Variants in CUBN observed in about 807,000 individuals in gnomAD.
The protein encoded by CUBN is cubilin.
A neutral mutation model predicts 405.3 loss-of-function variants in CUBN; 282 were observed. That is an observed-to-expected ratio of 0.70 (90% CI 0.63 to 0.77). The LOEUF (loss-of-function observed/expected upper bound fraction) is 0.77, where lower values mean the gene tolerates loss of function less well. Ranked by LOEUF, CUBN falls within the 30% of genes least tolerant of loss-of-function variation. The probability of loss-of-function intolerance (pLI) is 0.00; values close to 1 mark genes in which losing one functional copy is unlikely to be tolerated. For missense variants in CUBN, 4,514 were observed against 4,475.2 expected (o/e 1.01, Z -0.25); for synonymous variants, 1,684 against 1,617.0 (o/e 1.04, Z -0.99).
chr10:16,977,207 C>T (rs1833125268), intron 31 of CUBN, among the ~76,000 whole-genome samples: 1 of 152,154 alleles, frequency 6.6e-6, no homozygotes. Context: ...GCAAAGGCCC[C>T]ACTCTCAAGC....
In CUBN at chr10:16,918,807, T is replaced by C; in HGVS notation, c.6822-7A>G. 1.2e-6 allele frequency: 2 copies of C among 1,613,138 alleles called. No individual in the cohort carries two copies. The highest frequency in any genetic ancestry group is 1.7e-6 in the Non-Finnish European group (2 of 1,179,394). On this transcript the variant is annotated splice_polypyrimidine_tract_variant and splice_region_variant and intron_variant, in intron 44 of 66. Transcript: ENST00000377833. The stretch of plus-strand genomic sequence containing the variant: ...AAGGTAGTTGGAAGTACAGCTGAAG[T>C]GGGAACAAAATTCTGTTAAATTTAC...
chr10:16,828,751 C>A, intron 66 of CUBN, 54 bp downstream of exon 66: 5 of 1,324,804 alleles, frequency 3.8e-6, no homozygotes, highest in Non-Finnish European at 5.4e-6. Flanking sequence ...CACTAAGTGA[C>A]TCATTATTGT....
intron 15 of CUBN, among the ~76,000 whole-genome samples, chr10:17,087,480 T>TTTTTTTC: frequency 8.0e-6 from 1 of 124,346 alleles, no homozygotes; most frequent in African/African-American, 2.8e-5. Flanking sequence ...TTCTTTTTTT[T>TTTTTTTC]TTTTTTTTTT....
At chr10:17,052,912 C>A (rs1278144836) in intron 22 of CUBN, among the ~76,000 whole-genome samples, 1 of 149,488 alleles carries the variant, frequency 6.7e-6, no homozygotes, top group African/African-American at 2.5e-5. Flanking sequence ...TGGAATTACA[C>A]TAGTATGACA....
chr10:17,006,274 T>C (rs879769863), intron 28 of CUBN, among the ~76,000 whole-genome samples: 2 of 152,222 alleles, frequency 1.3e-5, no homozygotes, highest in African/African-American at 2.4e-5. Context: ...TTATGTGTAA[T>C]TGACATGTAA....
At chr10:16,921,852 C>T (rs1293142763) in intron 43 of CUBN, among the ~76,000 whole-genome samples, 2 of 152,136 alleles carry the variant, frequency 1.3e-5, no homozygotes, top group Admixed American at 1.3e-4. Flanking sequence ...CTGTTCTGAC[C>T]TCGAGATTCC....
chr10:16,874,595 T>C, intron 57 of CUBN, 92 bp from the exon 58 acceptor site: 2 of 1,499,016 alleles, frequency 1.3e-6, no homozygotes, highest in East Asian at 2.3e-5. Context: ...TTGTACATTT[T>C]TCCCTAAAAG....
chr10:16,849,612 C>T (rs1022381189), intron 60 of CUBN, among the ~76,000 whole-genome samples: 11 of 152,166 alleles, frequency 7.2e-5, no homozygotes, highest in Admixed American at 7.2e-4. Context: ...GGTATTCCCT[C>T]CACAAATTTT....
Position 16,939,224 on chromosome 10 carries a change from AG to A in CUBN, c.5549-78del, listed in dbSNP as rs1008022070. 1.0e-4 allele frequency: 118 copies of A among 1,166,054 alleles called. 1 individual carries two copies. The highest frequency in any genetic ancestry group is 3.6e-5 in the Non-Finnish European group (28 of 776,978). 72.2% of individuals were successfully genotyped at this position (1,166,054 alleles called of 1,614,324 possible). On this transcript the variant is annotated intron_variant, in intron 37 of 66. Coordinates refer to ENST00000377833, the MANE Select transcript of CUBN (RefSeq NM_001081.4). Reference sequence around the variant, plus strand: ...ATCAAATGAAAAAAACAAAAGGCAAAGGGTGTTGAAAAGGATGGACTTTTAA... The same window carrying A: ...ATCAAATGAAAAAAACAAAAGGCAAAGGTGTTGAAAAGGATGGACTTTTAA...
intron 28 of CUBN, 127 bp downstream of exon 28, chr10:17,019,706 T>C: frequency 9.1e-7 from 1 of 1,104,400 alleles, no homozygotes; most frequent in Non-Finnish European, 1.4e-6. Flanking sequence ...CTTAAACCCT[T>C]GCATGAGATT....
Position 17,019,823 on chromosome 10 carries a change from C to A in CUBN, c.4168+10G>T, listed in dbSNP as rs780108353. ...ACTGCAAATACAACTGAGATCAGCA[C>A]CTGGCTTACCGTAAACAAACCACTG... On this transcript the variant is annotated intron_variant, in intron 28 of 66. Coordinates refer to ENST00000377833, the MANE Select transcript of CUBN (RefSeq NM_001081.4). 1 of 1,614,048 alleles carries A rather than the reference C, an allele frequency of 6.2e-7. No individual in the cohort carries two copies. The highest frequency in any genetic ancestry group is 2.2e-5 in the East Asian group (1 of 44,874).
intron 18 of CUBN, 74 bp downstream of exon 18, chr10:17,071,753 G>A (rs933066648): frequency 1.3e-6 from 2 of 1,549,516 alleles, no homozygotes; most frequent in African/African-American, 1.4e-5. Flanking sequence ...GACATAAAAT[G>A]ACTAAATTAT....
At chr10:17,055,751 T>C (rs1297120474) in intron 22 of CUBN, among the ~76,000 whole-genome samples, 1 of 152,146 alleles carries the variant, frequency 6.6e-6, no homozygotes, top group African/African-American at 2.4e-5. Flanking sequence ...CTGAAAACTT[T>C]ATTGCTGAAG....
chr10:17,121,921 A>G (rs1180167071), intron 6 of CUBN: 1 of 152,220 alleles, frequency 6.6e-6, no homozygotes, highest in Non-Finnish European at 1.5e-5. Context: ...TTAATCTTTT[A>G]AAAATCACAA....
At chr10:17,106,004 G>A (rs1295794720) in intron 10 of CUBN, among the ~76,000 whole-genome samples, 1 of 152,236 alleles carries the variant, frequency 6.6e-6, no homozygotes, top group Admixed American at 6.5e-5. Flanking sequence ...CCAATAGAGG[G>A]CCAGGCACAG....
chr10:16,980,697 G>C (rs371741812), intron 31 of CUBN, among the ~76,000 whole-genome samples: 2 of 152,036 alleles, frequency 1.3e-5, no homozygotes, highest in South Asian at 2.1e-4. Context: ...GTCGAGGGGT[G>C]GGGGGCTAAG....
intron 59 of CUBN, among the ~76,000 whole-genome samples, chr10:16,852,272 C>T (rs1315426165): frequency 1.7e-5 from 2 of 114,334 alleles, no homozygotes; most frequent in African/African-American, 3.4e-5. Context: ...TCCCTCCCTC[C>T]ATCTTTCCCT....
chr10:17,115,407 A>T (rs1338780661), intron 7 of CUBN, 64 bp downstream of exon 7: 1 of 1,586,102 alleles, frequency 6.3e-7, no homozygotes, highest in Non-Finnish European at 8.6e-7. Context: ...CAGTGGGCAT[A>T]GGAGGAGGAG....
chr10:16,875,319 C>T (rs1277905524), intron 57 of CUBN, among the ~76,000 whole-genome samples: 1 of 152,080 alleles, frequency 6.6e-6, no homozygotes, highest in Non-Finnish European at 1.5e-5. Context: ...CAGATTGTAC[C>T]TCCTGATGAT....
Sources: gnomAD v4.1 joint callset for allele counts (sites outside exome capture counted in the v4.1 genomes callset) on GRCh38, gnomAD v4.1.1 for gene constraint, MANE v1.5 for transcripts, NCBI Gene and HGNC (gene_info 2026-07-23, HGNC 2026-07-21) for gene names.